The following PLCXD3 variants were observed in gnomAD, a reference collection of about 807,000 sequenced individuals.
PLCXD3 encodes the protein phosphatidylinositol specific phospholipase C X domain containing 3, also known as PI-PLC X domain-containing protein 3.
PLCXD3 carries 19 observed loss-of-function variants against 25.5 expected under a neutral mutation model. The observed-to-expected ratio is 0.75, with a 90% CI of 0.52 to 1.09. PLCXD3 has a LOEUF of 1.09. Among genes scored for constraint, PLCXD3 ranks in the 50% least tolerant of loss-of-function variants. The pLI is 0.00. For missense variants in PLCXD3, 411 were observed against 388.1 expected, an observed-to-expected ratio of 1.06 and a Z score of -0.50; for synonymous variants, 174 against 137.6, an observed-to-expected ratio of 1.26 and a Z score of -1.85.
At chr5:41,453,244 A>G (rs955910914) in intron 1 of PLCXD3, among the ~76,000 whole-genome samples, 3 of 151,822 alleles carry the variant, frequency 2.0e-5, no homozygotes, top group Non-Finnish European at 4.4e-5. Flanking sequence ...CATATATGCC[A>G]TTCCATTTTC....
chr5:41,444,432 C>A (rs960151777), intron 1 of PLCXD3, among the ~76,000 whole-genome samples: 2 of 152,146 alleles, frequency 1.3e-5, no homozygotes, highest in Non-Finnish European at 2.9e-5. Context: ...CTAGCATCAG[C>A]CAACATCTTC....
intron 2 of PLCXD3, among the ~76,000 whole-genome samples, chr5:41,344,768 C>A (rs1317665069): frequency 6.6e-6 from 1 of 151,934 alleles, no homozygotes; most frequent in Non-Finnish European, 1.5e-5. Context: ...AGCCATGTAT[C>A]AAAAAATCTA....
intron 1 of PLCXD3, among the ~76,000 whole-genome samples, chr5:41,459,526 T>C (rs1369513552): frequency 6.6e-6 from 1 of 151,888 alleles, no homozygotes; most frequent in East Asian, 1.9e-4. Flanking sequence ...CATGTCAAAC[T>C]AGCATCACAC....
At chr5:41,433,650 T>C (rs1449070024) in intron 1 of PLCXD3, among the ~76,000 whole-genome samples, 1 of 152,202 alleles carries the variant, frequency 6.6e-6, no homozygotes, top group Non-Finnish European at 1.5e-5. Flanking sequence ...CTTCTATTAC[T>C]GACTCACAAA....
At chr5:41,506,176 G>C (rs1010636395) in intron 1 of PLCXD3, among the ~76,000 whole-genome samples, 6 of 152,166 alleles carry the variant, frequency 3.9e-5, no homozygotes, top group Admixed American at 6.5e-5. Flanking sequence ...GAGTCCCAAG[G>C]CCTTAGAAGA....
chr5:41,449,508 G>A (rs185780201), intron 1 of PLCXD3, among the ~76,000 whole-genome samples: 1 of 152,212 alleles, frequency 6.6e-6, no homozygotes, highest in Admixed American at 6.5e-5. Flanking sequence ...TTGCCCAAAA[G>A]CAGACTATGA....
At chr5:41,476,988 T>C (rs1341963952) in intron 1 of PLCXD3, among the ~76,000 whole-genome samples, 1 of 152,210 alleles carries the variant, frequency 6.6e-6, no homozygotes, top group East Asian at 1.9e-4. Flanking sequence ...TGTTTTTCTG[T>C]CAATGACAAT....
chr5:41,378,179 A>T (rs1421292415), intron 2 of PLCXD3, among the ~76,000 whole-genome samples: 1 of 152,140 alleles, frequency 6.6e-6, no homozygotes, highest in African/African-American at 2.4e-5. Flanking sequence ...TTTGCAAGGC[A>T]TGACCCCAGA....
At chr5:41,318,923 A>T (rs1237739584) in intron 2 of PLCXD3, among the ~76,000 whole-genome samples, 1 of 151,980 alleles carries the variant, frequency 6.6e-6, no homozygotes, top group Admixed American at 6.5e-5. Flanking sequence ...ACCACTGGAA[A>T]CAAGCAAACA....
intron 1 of PLCXD3, among the ~76,000 whole-genome samples, chr5:41,412,817 C>T (rs1273925784): frequency 6.6e-6 from 1 of 152,168 alleles, no homozygotes; most frequent in Non-Finnish European, 1.5e-5. Flanking sequence ...TTAGAGTATA[C>T]ACAGACACAA....
intron 1 of PLCXD3, among the ~76,000 whole-genome samples, chr5:41,440,920 A>G (rs1747370746): frequency 6.6e-6 from 1 of 152,186 alleles, no homozygotes; most frequent in African/African-American, 2.4e-5. Context: ...TTTTAGAACC[A>G]TGAGATCAGG....
chr5:41,374,077 A>G (rs1745206626), intron 2 of PLCXD3, among the ~76,000 whole-genome samples: 1 of 151,942 alleles, frequency 6.6e-6, no homozygotes, highest in Non-Finnish European at 1.5e-5. Flanking sequence ...AACTGAGCCT[A>G]GGGAGGAGGG....
chr5:41,411,792 A>G (rs1244015149), intron 1 of PLCXD3, among the ~76,000 whole-genome samples: 1 of 150,116 alleles, frequency 6.7e-6, no homozygotes, highest in Non-Finnish European at 1.5e-5. Context: ...TTGGTCATAT[A>G]GAGTATTGAT....
rs145732089 is a variant in PLCXD3, at chr5:41,468,009, C to CT, written c.103+42414dup. 2.9e-3 allele frequency among the ~76,000 whole-genome samples: 153 copies of CT among 52,432 alleles called. 10 individuals carry two copies. The highest frequency in any genetic ancestry group is 8.4e-3 in the African/African-American group (105 of 12,556). 34.4% of individuals were successfully genotyped at this position (52,432 alleles called of 152,430 possible). ...GGAGTGTGATACTACCAGCTTTATT[C>CT]TTTTTTTTTTTTTTTTTTTTTTTTT... On this transcript the variant is annotated intron_variant, in intron 1 of 2. Transcript: ENST00000377801.
At chr5:41,345,699 C>T (rs1012651069) in intron 2 of PLCXD3, among the ~76,000 whole-genome samples, 6 of 151,698 alleles carry the variant, frequency 4.0e-5, no homozygotes, top group Non-Finnish European at 7.4e-5. Context: ...CACACACACA[C>T]ACACACACAC....
chr5:41,463,630 C>T (rs1031280591), intron 1 of PLCXD3, among the ~76,000 whole-genome samples: 67 of 151,996 alleles, frequency 4.4e-4, no homozygotes, highest in Admixed American at 1.2e-3. Flanking sequence ...ATGTTTACAA[C>T]TTCTTAGGGA....
chr5:41,325,330 C>T (rs1743596557), intron 2 of PLCXD3, among the ~76,000 whole-genome samples: 1 of 152,132 alleles, frequency 6.6e-6, no homozygotes, highest in Non-Finnish European at 1.5e-5. Flanking sequence ...CTCAAATACT[C>T]AGACAGTCTC....
chr5:41,322,570 A>T (rs1187843933), intron 2 of PLCXD3, among the ~76,000 whole-genome samples: 1 of 152,256 alleles, frequency 6.6e-6, no homozygotes, highest in African/African-American at 2.4e-5. Flanking sequence ...TATACACAAA[A>T]GATAGAAAAT....
chr5:41,380,590 C>T (rs1254458474), intron 2 of PLCXD3, among the ~76,000 whole-genome samples: 2 of 152,114 alleles, frequency 1.3e-5, no homozygotes, highest in Admixed American at 6.5e-5. Context: ...CCACTCCAAG[C>T]TTTATCTCCT....
Sources: allele counts gnomAD v4.1 joint callset (sites outside exome capture counted in the v4.1 genomes callset), GRCh38; gene constraint gnomAD v4.1.1; transcripts MANE v1.5; gene names NCBI Gene and HGNC (gene_info 2026-07-23, HGNC 2026-07-21).